Variants in R3HDM1 observed in about 807,000 individuals in gnomAD.
R3HDM1 encodes the protein R3H domain-containing protein 1.
R3HDM1 carries 46 observed loss-of-function variants against 141.1 expected under a neutral mutation model. That is an observed-to-expected ratio of 0.33 (90% CI 0.26 to 0.42). The LOEUF (loss-of-function observed/expected upper bound fraction) is 0.42. Ranked by LOEUF, R3HDM1 falls within the 10% of genes least tolerant of loss-of-function variation. R3HDM1 has a pLI of 1.00. For synonymous variants in R3HDM1, 435 were observed against 472.9 expected (o/e 0.92, Z 1.04); for missense variants, 1,184 against 1,368.3 (o/e 0.87, Z 2.12).
chr2:135,700,421 T>G (rs1312915543), intron 21 of R3HDM1, among the ~76,000 whole-genome samples: 1 of 152,184 alleles, frequency 6.6e-6, no homozygotes, highest in Non-Finnish European at 1.5e-5. Context: ...ACAAATGGAT[T>G]TTATTGATGA....
At chr2:135,662,110 G>C (rs1395790680) in intron 19 of R3HDM1, among the ~76,000 whole-genome samples, 1 of 152,152 alleles carries the variant, frequency 6.6e-6, no homozygotes, top group Non-Finnish European at 1.5e-5. Context: ...GTACTTCCCA[G>C]ATGTTTAATA....
intron 21 of R3HDM1, among the ~76,000 whole-genome samples, chr2:135,691,077 A>G (rs2072300011): frequency 6.6e-6 from 1 of 152,170 alleles, no homozygotes; most frequent in Non-Finnish European, 1.5e-5. Context: ...TCTTTCCTCT[A>G]TGTACCTTGT....
intron 1 of R3HDM1, among the ~76,000 whole-genome samples, chr2:135,593,464 A>G (rs549224046): frequency 2.6e-5 from 4 of 152,272 alleles, no homozygotes; most frequent in South Asian, 2.1e-4. Flanking sequence ...TCTCTTACCT[A>G]TATCTGCCAA....
At chr2:135,574,233 G>C (rs1704843899) in intron 1 of R3HDM1, among the ~76,000 whole-genome samples, 1 of 152,136 alleles carries the variant, frequency 6.6e-6, no homozygotes, top group Non-Finnish European at 1.5e-5. Context: ...CTACTTAGCA[G>C]ACCTCACTGC....
At chr2:135,592,651 C>T (rs945123685) in intron 1 of R3HDM1, among the ~76,000 whole-genome samples, 2 of 152,132 alleles carry the variant, frequency 1.3e-5, no homozygotes, top group African/African-American at 4.8e-5. Flanking sequence ...TTCCAGGAAT[C>T]CAAACCTTTT....
At chr2:135,603,423 T>G (rs985807737) in intron 2 of R3HDM1, among the ~76,000 whole-genome samples, 1 of 152,162 alleles carries the variant, frequency 6.6e-6, no homozygotes, top group African/African-American at 2.4e-5. Context: ...TTCAGAAATA[T>G]AGAAAAGTTG....
intron 1 of R3HDM1, among the ~76,000 whole-genome samples, chr2:135,549,447 C>T (rs1439861458): frequency 2.7e-5 from 4 of 150,124 alleles, no homozygotes; most frequent in South Asian, 2.1e-4. Context: ...CCCAGCTACT[C>T]GGGAGACGGA....
At chr2:135,666,344 T>C (rs1048726769) in intron 19 of R3HDM1, among the ~76,000 whole-genome samples, 1 of 152,214 alleles carries the variant, frequency 6.6e-6, no homozygotes, top group Non-Finnish European at 1.5e-5. Flanking sequence ...CTGACAACTT[T>C]CAATCCAAGT....
chr2:135,660,421 T>A (rs1275203375), intron 18 of R3HDM1, among the ~76,000 whole-genome samples: 1 of 152,264 alleles, frequency 6.6e-6, no homozygotes, highest in Non-Finnish European at 1.5e-5. Flanking sequence ...AAGTTTTGAC[T>A]GTAACCTGTC....
At chr2:135,624,305 G>T (rs1462802790) in intron 7 of R3HDM1, among the ~76,000 whole-genome samples, 3 of 150,856 alleles carry the variant, frequency 2.0e-5, no homozygotes, top group Non-Finnish European at 2.9e-5. Flanking sequence ...TGAGGCAGGG[G>T]AATGGTGTAA....
At chr2:135,701,223 C>CAAA (rs748354211) in intron 21 of R3HDM1, among the ~76,000 whole-genome samples, 3 of 82,420 alleles carry the variant, frequency 3.6e-5, no homozygotes, top group Non-Finnish European at 5.4e-5. Flanking sequence ...TCATCTCTAC[C>CAAA]AAAAAAAAAA....
Position 135,710,226 on chromosome 2 carries a change from G to T in R3HDM1, c.2731G>T (p.Val911Phe), listed in dbSNP as rs761614530. The change falls in exon 23 of 27, where the codon GTC (valine) becomes TTC (phenylalanine). Residue 911 changes from valine to phenylalanine, a missense_variant. Around this residue, in one of 5 missense-constraint regions of R3HDM1, gnomAD observed 563 missense variants for 562.0 expected, o/e 1.00. Transcript: ENST00000683871. ...CVEFSSVDNI[V>F]QHSPQLSSPI... The stretch of plus-strand genomic sequence containing the variant: ...AGAATTTAGCAGTGTAGACAATATT[G>T]TCCAGGTAAGATGGTTTTGTTCATT... 5 of 1,612,234 alleles carry T rather than the reference G, an allele frequency of 3.1e-6. No individual in the cohort carries two copies. Among genetic ancestry groups the T allele is most frequent in the East Asian group, 4.5e-5 (2 of 44,874 alleles).
intron 21 of R3HDM1, among the ~76,000 whole-genome samples, chr2:135,699,884 C>T (rs1327581460): frequency 6.6e-6 from 1 of 151,972 alleles, no homozygotes; most frequent in East Asian, 1.9e-4. Context: ...GTTGTCTTAC[C>T]AGCAATCCAA....
At chr2:135,676,504 T>A (rs1295525714) in intron 20 of R3HDM1, among the ~76,000 whole-genome samples, 2 of 152,132 alleles carry the variant, frequency 1.3e-5, no homozygotes, top group Non-Finnish European at 2.9e-5. Context: ...CATAGCTGAG[T>A]CTGATTTTAA....
intron 21 of R3HDM1, among the ~76,000 whole-genome samples, chr2:135,708,976 A>AAC (rs2075288569): frequency 6.6e-6 from 1 of 151,868 alleles, no homozygotes; most frequent in African/African-American, 2.4e-5. Context: ...AAAAAAAAAA[A>AAC]AACTAACTGT....
intron 1 of R3HDM1, among the ~76,000 whole-genome samples, chr2:135,598,273 A>G (rs1419568522): frequency 6.6e-6 from 1 of 152,224 alleles, no homozygotes; most frequent in Admixed American, 6.5e-5. Flanking sequence ...AAGAAACAAA[A>G]TGGTTATATA....
At chr2:135,704,096 T>G (rs2074576960) in intron 21 of R3HDM1, among the ~76,000 whole-genome samples, 1 of 152,234 alleles carries the variant, frequency 6.6e-6, no homozygotes, top group African/African-American at 2.4e-5. Context: ...TTCTCCTGCC[T>G]CAGCCTCCTG....
intron 3 of R3HDM1, among the ~76,000 whole-genome samples, chr2:135,609,485 T>A (rs889985787): frequency 1.3e-5 from 2 of 152,230 alleles, no homozygotes; most frequent in African/African-American, 4.8e-5. Context: ...TAGGAATTTT[T>A]CTGCTGCCAC....
At chr2:135,594,377 A>G (rs1260964184) in intron 1 of R3HDM1, among the ~76,000 whole-genome samples, 1 of 152,214 alleles carries the variant, frequency 6.6e-6, no homozygotes, top group South Asian at 2.1e-4. Context: ...AGCCTATTAT[A>G]TAGCCAAGTA....
Sources: allele counts gnomAD v4.1 joint callset (sites outside exome capture counted in the v4.1 genomes callset), GRCh38; gene constraint gnomAD v4.1.1; regional missense constraint gnomAD v4.1.1; transcripts MANE v1.5; gene names NCBI Gene and HGNC (gene_info 2026-07-23, HGNC 2026-07-21).